RPS9: variants seen among roughly 807,000 people sequenced by gnomAD.
RPS9 encodes ribosomal protein S9.
A neutral mutation model predicts 16.9 loss-of-function variants in RPS9; 1 was observed. The observed-to-expected ratio is 0.06, with a 90% confidence interval of 0.02 to 0.28. The LOEUF (loss-of-function observed/expected upper bound fraction) is 0.28. RPS9 is among the 10% of genes least tolerant of loss of function. RPS9 has a pLI of 1.00. For synonymous variants in RPS9, 106 were observed against 110.9 expected (o/e 0.96, Z 0.28); for missense variants, 137 against 273.2 (o/e 0.50, Z 3.51).
chr19:54,206,511 T>C, intron 4 of RPS9, 49 bp downstream of exon 4: 1 of 1,608,812 alleles, frequency 6.2e-7, no homozygotes, highest in Non-Finnish European at 8.5e-7. Context: ...GCCCCTCTGA[T>C]GGTTGCCCTC....
chr19:54,207,391 C>T lies in RPS9; in HGVS notation c.408-7C>T, dbSNP rs1377130475. The T allele has an allele frequency of 2.1e-5, 33 of 1,606,480 alleles. No individual in the cohort carries two copies. Among genetic ancestry groups the T allele is most frequent in the Non-Finnish European group, 2.8e-5 (33 of 1,175,302 alleles). Reference sequence around the variant, plus strand: ...TCCAGTCCACCTCACCTTGTCGCTGCTTCCAGGGTCCGCAAGCAGGTGGTG... The same window carrying T: ...TCCAGTCCACCTCACCTTGTCGCTGTTTCCAGGGTCCGCAAGCAGGTGGTG... On this transcript the variant is annotated splice_polypyrimidine_tract_variant and splice_region_variant and intron_variant, in intron 4 of 4. Transcript: ENST00000302907.
At chr19:54,201,426 C>T in intron 2 of RPS9, 61 bp from the exon 3 acceptor site, 1 of 1,610,130 alleles carries the variant, frequency 6.2e-7, no homozygotes, top group Non-Finnish European at 8.5e-7. Flanking sequence ...TCCAAAGCTG[C>T]CAGTCTAGTT....
chr19:54,201,175 C>G lies in RPS9; in HGVS notation c.-10C>G. On this transcript the variant is annotated 5_prime_UTR_variant, in exon 2 of 5. Transcript: ENST00000302907. ...TCCCGCGCAGGCGCAGACGGGGAAG[C>G]GGAGCCAACATGCCAGTGGCCCGGA... The G allele has an allele frequency of 1.2e-6, 2 of 1,613,444 alleles. No homozygotes were observed. Among genetic ancestry groups the G allele is most frequent in the Non-Finnish European group, 1.7e-6 (2 of 1,179,986 alleles).
chr19:54,201,714 A>C, intron 3 of RPS9, 105 bp downstream of exon 3: 1 of 1,534,924 alleles, frequency 6.5e-7, no homozygotes, highest in Non-Finnish European at 8.8e-7. Flanking sequence ...TCATTGGATA[A>C]ATGGAACCAG....
chr19:54,205,882 T>C (rs1296020908), intron 3 of RPS9, among the ~76,000 whole-genome samples: 1 of 152,082 alleles, frequency 6.6e-6, no homozygotes, highest in Non-Finnish European at 1.5e-5. Flanking sequence ...AGTGGCCCCA[T>C]CTCAGGTCAC....
rs576514999 is a variant in RPS9 at position 54,206,117 on chromosome 19, G to A, written c.221-159G>A. On this transcript the variant is annotated intron_variant, in intron 3 of 4. Transcript: ENST00000302907. ...AGGTGTGAGCCACCACTCCCAGCCC[G>A]TAGGGTGGTTTTGACAGTGACATGG... Among the ~76,000 whole-genome samples, 46 of 152,318 alleles carry A rather than the reference G, an allele frequency of 3.0e-4. 1 individual carries two copies. The highest frequency in any genetic ancestry group is 2.0e-3 in the Admixed American group (30 of 15,306).
At chr19:54,206,732 C>T in intron 4 of RPS9, 2 of 1,479,158 alleles carry the variant, frequency 1.4e-6, no homozygotes, top group South Asian at 2.7e-5. Context: ...CAGGTAACAG[C>T]TCTTGGTGTC....
intron 3 of RPS9, 74 bp from the exon 4 acceptor site, chr19:54,206,202 G>C: frequency 6.8e-7 from 1 of 1,477,974 alleles, no homozygotes; most frequent in Admixed American, 1.9e-5. Context: ...GCTACCAAGA[G>C]GCGGAGCCAG....
chr19:54,207,425 G>C lies in RPS9; in HGVS notation c.435G>C (p.Pro145=). The part of the protein sequence containing the change: ...IRVRKQVVNI[P]SFIVRLDSQK... ...TCCGCAAGCAGGTGGTGAACATCCC[G>C]TCCTTCATTGTCCGCCTGGATTCCC... The change falls in exon 5 of 5, where the codon CCG becomes CCC. Residue 145 remains proline, a synonymous_variant. Coordinates refer to ENST00000302907, the MANE Select transcript of RPS9 (RefSeq NM_001013.4). The C allele has an allele frequency of 6.2e-7, 1 of 1,613,448 alleles. No individual in the cohort carries two copies. Among genetic ancestry groups the C allele is most frequent in the Non-Finnish European group, 8.5e-7 (1 of 1,179,708 alleles).
intron 3 of RPS9, 61 bp from the exon 4 acceptor site, chr19:54,206,215 T>C (rs1364235992): frequency 3.2e-6 from 5 of 1,552,796 alleles, no homozygotes; most frequent in Non-Finnish European, 4.4e-6. Flanking sequence ...GGAGCCAGGA[T>C]TTGAACCCAA....
rs780746970 is a variant in RPS9, at chr19:54,206,467, C to T, written c.407+5C>T. The T allele has an allele frequency of 2.0e-5, 33 of 1,614,188 alleles. No homozygotes were observed. In the Admixed American group the frequency reaches 3.0e-4, roughly 15 times the overall value. On this transcript the variant is annotated splice_donor_5th_base_variant and intron_variant, in intron 4 of 4. Transcript: ENST00000302907. ...GATCCGCCAGCGCCATATCAGGTAC[C>T]ACCTCGGATGGGCACCTGAATCTTC...
In RPS9 at chr19:54,207,550, C is replaced by T. The variant is rs1234929879; in HGVS notation, c.560C>T (p.Ala187Val). The T allele has an allele frequency of 1.2e-6, 2 of 1,611,322 alleles. No homozygotes were observed. Among genetic ancestry groups the T allele is most frequent in the African/African-American group, 1.3e-5 (1 of 74,866 alleles). The change falls in exon 5 of 5, where the codon GCT becomes GTT. Residue 187 changes from alanine to valine, a missense_variant. Ala to Val is a moderately conservative substitution (Grantham distance 64). Transcript: ENST00000302907. ...AAGAAGGGCCAGGGTGGGGCTGGGGCTGGAGACGACGAGGAGGAGGATTAA... is the reference window on the plus strand; with the variant it reads ...AAGAAGGGCCAGGGTGGGGCTGGGGTTGGAGACGACGAGGAGGAGGATTAA... ...NAKKGQGGAG[A>V]GDDEEED
Position 54,201,061 on chromosome 19 carries a change from T to A in RPS9, c.-25-99T>A, listed in dbSNP as rs2077025735. On this transcript the variant is annotated intron_variant, in intron 1 of 4. Transcript: ENST00000302907. ...ACTATGAGAGCGTTGGAGGTTATTC[T>A]CGCGAGATCGGATCTGGGCTCCGCG... The A allele has an allele frequency of 6.6e-6, 10 of 1,514,636 alleles. No individual in the cohort carries two copies. The African/African-American group carries it at 1.2e-4, about 19-fold the overall frequency. The allele number at this position is 1,514,636 out of a possible 1,614,324, so 93.8% of individuals were successfully genotyped here. A position where few individuals can be genotyped will look rare whatever the true frequency, so the allele number is the denominator to read the frequency against.
At chr19:54,201,426 C>G in intron 2 of RPS9, 61 bp from the exon 3 acceptor site, 3 of 1,610,130 alleles carry the variant, frequency 1.9e-6, no homozygotes, top group Non-Finnish European at 1.7e-6. Context: ...TCCAAAGCTG[C>G]CAGTCTAGTT....
chr19:54,202,597 C>G (rs1001204199), intron 3 of RPS9: 2 of 985,032 alleles, frequency 2.0e-6, no homozygotes, highest in African/African-American at 3.5e-5. Flanking sequence ...CCATCTTAAC[C>G]ATCTTGTTTT....
intron 4 of RPS9, 117 bp from the exon 5 acceptor site, chr19:54,207,281 C>T (rs1023289813): frequency 9.6e-6 from 8 of 835,522 alleles, no homozygotes; most frequent in African/African-American, 6.8e-5. Context: ...CCTGCAGCGC[C>T]TTGGTGTCTG....
chr19:54,202,920 A>G (rs1008350102), intron 3 of RPS9: 4 of 977,858 alleles, frequency 4.1e-6, no homozygotes, highest in Non-Finnish European at 3.6e-6. Flanking sequence ...ATGGTTTCCA[A>G]CTCCTAACCT....
chr19:54,201,274 G>A lies in RPS9; in HGVS notation c.90G>A (p.Lys30=). The A allele has an allele frequency of 6.2e-7, 1 of 1,614,066 alleles. No homozygotes were observed. Among genetic ancestry groups the A allele is most frequent in the East Asian group, 2.2e-5 (1 of 44,876 alleles). The change falls in exon 2 of 5, where the codon AAG becomes AAA. Residue 30 remains lysine (K), a synonymous_variant. Coordinates refer to ENST00000302907, the MANE Select transcript of RPS9 (RefSeq NM_001013.4). ...AATCTCGTCTCGACCAAGAGCTGAAGCTGATCGGTGAGTGGCCAAGGCTTC... is the reference window on the plus strand; with the variant it reads ...AATCTCGTCTCGACCAAGAGCTGAAACTGATCGGTGAGTGGCCAAGGCTTC... ...FEKSRLDQEL[K]LIGEYGLRNK... is the part of the protein sequence containing the mutation.
At chr19:54,200,952 G>A in intron 1 of RPS9, 64 bp downstream of exon 1, 1 of 1,406,264 alleles carries the variant, frequency 7.1e-7, no homozygotes, top group Non-Finnish European at 9.2e-7. Context: ...GGCCTTCCGA[G>A]TTTCCATGAG....
Sources: allele counts gnomAD v4.1 joint callset (sites outside exome capture counted in the v4.1 genomes callset), GRCh38; gene constraint gnomAD v4.1.1; transcripts MANE v1.5; gene names NCBI Gene and HGNC (gene_info 2026-07-23, HGNC 2026-07-21).